The following CDH4 variants were observed in gnomAD, a reference collection of about 807,000 sequenced individuals.
CDH4 encodes cadherin 4.
Under a neutral mutation model 86.0 loss-of-function variants are expected in CDH4, and 33 were observed. The ratio of observed to expected loss-of-function variants is 0.38; its 90% confidence interval spans 0.29 to 0.51. CDH4 has a LOEUF of 0.51. CDH4 is among the 20% of genes least tolerant of loss of function. The pLI, the probability that CDH4 is intolerant of heterozygous loss-of-function variation, is 0.86. For missense variants in CDH4, 1,114 were observed against 1,307.4 expected (o/e 0.85, Z 2.28); for synonymous variants, 555 against 549.4 (o/e 1.01, Z -0.14).
In CDH4 at chr20:61,360,277, C is replaced by G. The variant is rs540127532; in HGVS notation, c.169+105340C>G. ...GTGTTCCTTACCCTTGAGGATCTTTCCAGGGTATGAAGGATACCAGGTGAG... is the reference window on the plus strand; with the variant it reads ...GTGTTCCTTACCCTTGAGGATCTTTGCAGGGTATGAAGGATACCAGGTGAG... On this transcript the variant is annotated intron_variant, in intron 2 of 15. Transcript: ENST00000614565. Among the ~76,000 whole-genome samples the G allele has an allele frequency of 1.3e-5, 2 of 152,272 alleles. 1 individual carries two copies. The highest frequency in any genetic ancestry group is 4.1e-4 in the South Asian group (2 of 4,820).
At position 61,371,141 on chromosome 20, in the gene CDH4, G is replaced by A. The variant is rs561369889; in HGVS notation, c.169+116204G>A. 3.3e-5 allele frequency among the ~76,000 whole-genome samples: 5 copies of A among 152,348 alleles called. No homozygotes were observed. In the East Asian group the frequency reaches 9.7e-4, roughly 29 times the overall value. On this transcript the variant is annotated intron_variant, in intron 2 of 15. Coordinates refer to ENST00000614565, the MANE Select transcript of CDH4 (RefSeq NM_001794.5). ...CACTGGAGCGTGTAATCTGATTGCA[G>A]CCGGGAGCTCGGAGCCCTGCAGAAG...
rs114545596 is a variant in CDH4, at chr20:61,747,168, G to A, written c.396+3379G>A. 2.7e-3 allele frequency among the ~76,000 whole-genome samples: 406 copies of A among 152,320 alleles called. 5 individuals carry two copies. The highest frequency in any genetic ancestry group is 9.3e-3 in the African/African-American group (385 of 41,558). ...AAGAAAGGACCCACAGGGACCGGGC[G>A]CGGTGGCTCACGCCTGTAATCTGAG... On this transcript the variant is annotated intron_variant, in intron 3 of 15. Transcript: ENST00000614565.
At chr20:61,584,908 A>G (rs190969524) in intron 2 of CDH4, among the ~76,000 whole-genome samples, 67 of 152,294 alleles carry the variant, frequency 4.4e-4, no homozygotes, top group Admixed American at 9.8e-4. Context: ...TGAGATGAGC[A>G]GGTGTCTGAA....
At chr20:61,929,298 G>A (rs1394965012) in intron 12 of CDH4, among the ~76,000 whole-genome samples, 4 of 152,110 alleles carry the variant, frequency 2.6e-5, no homozygotes, top group African/African-American at 4.8e-5. Flanking sequence ...CCACACGCCC[G>A]GCTAATTTTT....
At chr20:61,427,146 G>A (rs765922037) in intron 2 of CDH4, among the ~76,000 whole-genome samples, 1 of 152,228 alleles carries the variant, frequency 6.6e-6, no homozygotes, top group Non-Finnish European at 1.5e-5. Flanking sequence ...CAGTTGCACA[G>A]CTTCCTGCCG....
At chr20:61,253,165 C>A (rs1255754084) in intron 1 of CDH4, among the ~76,000 whole-genome samples, 1 of 151,380 alleles carries the variant, frequency 6.6e-6, no homozygotes. Context: ...GGCACTCTCA[C>A]CCCCGAGCCC....
intron 2 of CDH4, among the ~76,000 whole-genome samples, chr20:61,524,016 CT>C (rs1320953578): frequency 1.3e-5 from 2 of 152,218 alleles, no homozygotes; most frequent in Non-Finnish European, 2.9e-5. Context: ...CCAGAAGCCA[CT>C]TGTGAACTGT....
chr20:61,546,589 G>C (rs749528882), intron 2 of CDH4, among the ~76,000 whole-genome samples: 28 of 151,800 alleles, frequency 1.8e-4, no homozygotes, highest in South Asian at 8.3e-4. Context: ...GGCAGGGAGG[G>C]GGGTGTGTGT....
chr20:61,576,645 C>G (rs1267639938), intron 2 of CDH4, among the ~76,000 whole-genome samples: 1 of 152,226 alleles, frequency 6.6e-6, no homozygotes, highest in East Asian at 1.9e-4. Context: ...GTTCTCTCCT[C>G]TGGGCCAGAT....
chr20:61,485,333 C>T (rs144059449), intron 2 of CDH4, among the ~76,000 whole-genome samples: 2 of 152,316 alleles, frequency 1.3e-5, no homozygotes, highest in African/African-American at 4.8e-5. Flanking sequence ...TGGATCACAG[C>T]ACCACACTCT....
chr20:61,724,210 C>T (rs1019521030), intron 2 of CDH4, among the ~76,000 whole-genome samples: 14 of 152,066 alleles, frequency 9.2e-5, no homozygotes, highest in Non-Finnish European at 1.6e-4. Flanking sequence ...AGGGGGCAGG[C>T]AGGGCACAGT....
intron 5 of CDH4, among the ~76,000 whole-genome samples, chr20:61,851,123 G>A (rs528039319): frequency 3.0e-4 from 45 of 152,314 alleles, no homozygotes; most frequent in African/African-American, 9.9e-4. Flanking sequence ...GGGGACAGCC[G>A]GTTCCAGCAA....
rs1035187330 is a variant in CDH4 at position 61,393,632 on chromosome 20, A to G, written c.169+138695A>G. 1.3e-5 allele frequency among the ~76,000 whole-genome samples: 2 copies of G among 152,168 alleles called. No homozygotes were observed. Among genetic ancestry groups the G allele is most frequent in the Non-Finnish European group, 2.9e-5 (2 of 68,024 alleles). On this transcript the variant is annotated intron_variant, in intron 2 of 15. Coordinates refer to ENST00000614565, the MANE Select transcript of CDH4 (RefSeq NM_001794.5). This position sits in a 1 kb window ranked among gnomAD's most constrained non-coding sequence, Gnocchi z 4.3. ...GGTAGGTGTTGAGTAACAGAGACCCAAAGCATAGTGGTTGCAGCGAGGATC... is the reference window on the plus strand; with the variant it reads ...GGTAGGTGTTGAGTAACAGAGACCCGAAGCATAGTGGTTGCAGCGAGGATC...
rs1405962332 is a variant in CDH4 at position 61,681,884 on chromosome 20, G to GA, written c.170-61675dup. Among the ~76,000 whole-genome samples, 3 of 152,152 alleles carry GA rather than the reference G, an allele frequency of 2.0e-5. No homozygotes were observed. Among genetic ancestry groups the GA allele is most frequent in the South Asian group, 2.1e-4 (1 of 4,822 alleles). The stretch of plus-strand genomic sequence containing the variant: ...TATACGGGAGCAAGCAGGTTCAGCA[G>GA]AAAATGACGTGATGCCAAGGCCAGG... On this transcript the variant is annotated intron_variant, in intron 2 of 15. Coordinates refer to ENST00000614565, the MANE Select transcript of CDH4 (RefSeq NM_001794.5). This position sits in a 1 kb window ranked among gnomAD's most constrained non-coding sequence, Gnocchi z 4.5.
chr20:61,659,519 G>A (rs1377214223), intron 2 of CDH4, among the ~76,000 whole-genome samples: 1 of 152,188 alleles, frequency 6.6e-6, no homozygotes, highest in Non-Finnish European at 1.5e-5. Flanking sequence ...AAGGGTCTCA[G>A]CGGCTTGGAG....
At chr20:61,785,246 G>A (rs1419789974) in intron 4 of CDH4, among the ~76,000 whole-genome samples, 5 of 152,146 alleles carry the variant, frequency 3.3e-5, no homozygotes, top group Non-Finnish European at 5.9e-5. Context: ...ACACCACGTG[G>A]CATTTCCTCA....
At chr20:61,361,736 G>A (rs1414216120) in intron 2 of CDH4, among the ~76,000 whole-genome samples, 2 of 152,224 alleles carry the variant, frequency 1.3e-5, no homozygotes, top group Non-Finnish European at 2.9e-5. Flanking sequence ...GTGCAGGCAT[G>A]AAGCCAGGGC....
At position 61,857,295 on chromosome 20, in the gene CDH4, G is replaced by A. The variant is rs114870723; in HGVS notation, c.877+4397G>A. 9.7e-3 allele frequency among the ~76,000 whole-genome samples: 1,474 copies of A among 152,346 alleles called. 20 individuals carry two copies. The highest frequency in any genetic ancestry group is 0.034 in the African/African-American group (1,403 of 41,574). ...AGTGGGCGTTCCCACCGAGGCCTTC[G>A]GCCCGGGCTGCGTATGTGACCCTAA... On this transcript the variant is annotated intron_variant, in intron 6 of 15. Coordinates refer to ENST00000614565, the MANE Select transcript of CDH4 (RefSeq NM_001794.5).
At chr20:61,694,951 A>G (rs2087701289) in intron 2 of CDH4, among the ~76,000 whole-genome samples, 1 of 152,222 alleles carries the variant, frequency 6.6e-6, no homozygotes, top group African/African-American at 2.4e-5. Flanking sequence ...GCCTTCAGAG[A>G]CTAACAGCTA....
Sources: allele counts gnomAD v4.1 joint callset (sites outside exome capture counted in the v4.1 genomes callset), GRCh38; gene constraint gnomAD v4.1.1; non-coding constraint Gnocchi (gnomAD v3.1); transcripts MANE v1.5; gene names NCBI Gene and HGNC (gene_info 2026-07-23, HGNC 2026-07-21).